The following ETS1 variants were observed in gnomAD, a reference collection of about 807,000 sequenced individuals.
The protein encoded by ETS1 is ETS proto-oncogene 1, transcription factor.
In ETS1, 15 loss-of-function variants were observed where a neutral mutation model predicts 58.6. That is an observed-to-expected ratio of 0.26 (90% confidence interval 0.17 to 0.39). The LOEUF is 0.39. Among genes scored for constraint, ETS1 ranks in the 10% least tolerant of loss-of-function variants. The pLI, the probability that ETS1 is intolerant of heterozygous loss-of-function variation, is 1.00. For missense variants in ETS1, 417 were observed against 610.5 expected, an observed-to-expected ratio of 0.68 and a Z score of 3.34; for synonymous variants, 214 against 218.2, an observed-to-expected ratio of 0.98 and a Z score of 0.17.
At chr11:128,530,829 C>A (rs1217408757) in intron 3 of ETS1, among the ~76,000 whole-genome samples, 1 of 152,136 alleles carries the variant, frequency 6.6e-6, no homozygotes, top group Admixed American at 6.5e-5. Flanking sequence ...ATAAACTTTT[C>A]TTTCAGGGGA....
chr11:128,521,895 T>G, intron 3 of ETS1: 1 of 1,585,974 alleles, frequency 6.3e-7, no homozygotes, highest in Non-Finnish European at 8.6e-7. Flanking sequence ...GGTGGGGGCC[T>G]CGGCCGTCGC....
chr11:128,551,665 C>T (rs1246453675), intron 3 of ETS1, among the ~76,000 whole-genome samples: 2 of 152,170 alleles, frequency 1.3e-5, no homozygotes, highest in East Asian at 3.9e-4. Context: ...TTCCCCTTTT[C>T]CATGTATTTT....
chr11:128,585,949 G>A (rs1337998993), intron 1 of ETS1, among the ~76,000 whole-genome samples: 2 of 152,142 alleles, frequency 1.3e-5, no homozygotes, highest in African/African-American at 2.4e-5. Flanking sequence ...TCGGTGCTCT[G>A]GCCACAGACT....
At chr11:128,498,512 C>T (rs918836265) in intron 3 of ETS1, among the ~76,000 whole-genome samples, 1 of 152,184 alleles carries the variant, frequency 6.6e-6, no homozygotes, top group Non-Finnish European at 1.5e-5. Flanking sequence ...AATATGTTTG[C>T]CGTGACACTT....
intron 3 of ETS1, among the ~76,000 whole-genome samples, chr11:128,495,753 T>C (rs969651017): frequency 1.3e-5 from 2 of 152,246 alleles, no homozygotes; most frequent in East Asian, 1.9e-4. Flanking sequence ...GCATTGTTGA[T>C]AACTTGTTGA....
intron 3 of ETS1, among the ~76,000 whole-genome samples, chr11:128,552,978 T>C (rs1591658341): frequency 6.6e-6 from 1 of 151,936 alleles, no homozygotes; most frequent in East Asian, 1.9e-4. Flanking sequence ...AGGGCTGAGG[T>C]TGAGGGACAG....
chr11:128,497,898 C>T (rs897184681), intron 3 of ETS1, among the ~76,000 whole-genome samples: 4 of 152,190 alleles, frequency 2.6e-5, no homozygotes, highest in African/African-American at 9.7e-5. Context: ...AGCAGAACTG[C>T]CCCCTTGGTC....
rs1266655850 is a variant in ETS1 at position 128,585,124 on chromosome 11, GAAGAAAGAAAGAAAAGA to G, written c.-15+2347_-15+2363del. ...GAAAGGAAGGAAGGAAGGAAAGAAA[GAAGAAAGAAAGAAAAGA>G]AAGAAAGAAAGAAAGAAAGAAAGAA... On this transcript the variant is annotated intron_variant, in intron 1 of 9. Coordinates refer to ENST00000392668, the MANE Select transcript of ETS1 (RefSeq NM_001143820.2). 3.1e-4 allele frequency among the ~76,000 whole-genome samples: 2 copies of G among 6,440 alleles called. 1 individual carries two copies. The highest frequency in any genetic ancestry group is 2.0e-3 in the African/African-American group (2 of 1,008). 4.2% of individuals were successfully genotyped at this position (6,440 alleles called of 152,430 possible). A position where few individuals can be genotyped will look rare whatever the true frequency, so the allele number is the denominator to read the frequency against.
At chr11:128,586,720 A>C (rs1046166097) in intron 1 of ETS1, among the ~76,000 whole-genome samples, 3 of 152,198 alleles carry the variant, frequency 2.0e-5, no homozygotes, top group Non-Finnish European at 4.4e-5. Context: ...CCTGAAGAAA[A>C]TACTACTTTA....
chr11:128,486,433 T>G (rs1862633137), intron 5 of ETS1, among the ~76,000 whole-genome samples: 3 of 152,224 alleles, frequency 2.0e-5, no homozygotes. Flanking sequence ...GCATTCAGCA[T>G]TCATTCTCAA....
chr11:128,530,074 C>G (rs1863870852), intron 3 of ETS1: 1 of 152,124 alleles, frequency 6.6e-6, no homozygotes, highest in South Asian at 2.1e-4. Context: ...ATCAAGCATG[C>G]CAATGATGTA....
chr11:128,538,767 C>CACACAT (rs1565401959), intron 3 of ETS1, among the ~76,000 whole-genome samples: 1 of 49,798 alleles, frequency 2.0e-5, no homozygotes, highest in Admixed American at 2.6e-4. Context: ...CACACACACA[C>CACACAT]ACACACACAC....
At chr11:128,562,607 C>T (rs936825428) in intron 2 of ETS1, among the ~76,000 whole-genome samples, 6 of 152,148 alleles carry the variant, frequency 3.9e-5, no homozygotes, top group Non-Finnish European at 8.8e-5. Flanking sequence ...GAATGCTCCA[C>T]CCATCTAATC....
At chr11:128,540,317 T>C (rs1864036067) in intron 3 of ETS1, among the ~76,000 whole-genome samples, 1 of 73,416 alleles carries the variant, frequency 1.4e-5, no homozygotes, top group Non-Finnish European at 2.5e-5. Flanking sequence ...AGAAATTCCA[T>C]CTCAAAAAAA....
chr11:128,532,053 A>G (rs1171541864), intron 3 of ETS1, among the ~76,000 whole-genome samples: 2 of 152,152 alleles, frequency 1.3e-5, no homozygotes, highest in Non-Finnish European at 2.9e-5. Context: ...GTCTCGCTCT[A>G]TCACCCAGGC....
In ETS1 at chr11:128,458,975, T is replaced by G. The variant is rs2135401629; in HGVS notation, c.*3386A>C. The G allele has an allele frequency of 6.5e-6, 1 of 152,722 alleles. No individual in the cohort carries two copies. The highest frequency in any genetic ancestry group is 1.9e-4 in the East Asian group (1 of 5,320). The allele number at this position is 152,722 out of a possible 1,614,324, so 9.5% of individuals were successfully genotyped here. Reference sequence around the variant, plus strand: ...TCGCTACATCTCTAAGCTACCTCAGTTCTGATTTTTAAAAAGCACCTGCTT... The same window carrying G: ...TCGCTACATCTCTAAGCTACCTCAGGTCTGATTTTTAAAAAGCACCTGCTT... On this transcript the variant is annotated 3_prime_UTR_variant, in exon 10 of 10. Coordinates refer to ENST00000392668, the MANE Select transcript of ETS1 (RefSeq NM_001143820.2). This position sits in a 1 kb window ranked among gnomAD's most constrained non-coding sequence, Gnocchi z 4.3.
At chr11:128,497,160 G>C (rs1414569871) in intron 3 of ETS1, among the ~76,000 whole-genome samples, 1 of 152,182 alleles carries the variant, frequency 6.6e-6, no homozygotes, top group Non-Finnish European at 1.5e-5. Context: ...GGGAGAAGAA[G>C]CTGCAGAGAA....
At chr11:128,528,795 C>T (rs1863847337) in intron 3 of ETS1, among the ~76,000 whole-genome samples, 1 of 152,212 alleles carries the variant, frequency 6.6e-6, no homozygotes, top group Non-Finnish European at 1.5e-5. Context: ...TCATTTCTAA[C>T]TAAAAAGGTC....
Position 128,556,427 on chromosome 11 carries a change from T to C in ETS1, c.78A>G (p.Gly26=). The C allele has an allele frequency of 6.2e-7, 1 of 1,601,802 alleles. No individual in the cohort carries two copies. The highest frequency in any genetic ancestry group is 8.5e-7 in the Non-Finnish European group (1 of 1,175,654). The change falls in exon 3 of 10, where the codon GGA becomes GGG. Residue 26 remains glycine (G), a synonymous_variant. Coordinates refer to ENST00000392668, the MANE Select transcript of ETS1 (RefSeq NM_001143820.2). ...SAPRPAVVRQ[G]PSNTYEDPRM... ...GAGGATCTTCATAAGTGTTGCTAGG[T>C]CCTTGCCTCTGTGCAAGAAAAAATA...
Sources: gnomAD v4.1 joint callset for allele counts (sites outside exome capture counted in the v4.1 genomes callset) on GRCh38, gnomAD v4.1.1 for gene constraint, Gnocchi (gnomAD v3.1) non-coding constraint, MANE v1.5 for transcripts, NCBI Gene and HGNC (gene_info 2026-07-23, HGNC 2026-07-21) for gene names.